CCDC60: variants seen among roughly 807,000 people sequenced by gnomAD.
CCDC60 encodes the protein coiled-coil domain containing 60.
CCDC60 carries 54 observed loss-of-function variants against 63.5 expected under a neutral mutation model. The observed-to-expected ratio is 0.85, with a 90% CI of 0.68 to 1.07. CCDC60 has a LOEUF of 1.07. Ranked by LOEUF, CCDC60 falls within the 50% of genes least tolerant of loss-of-function variation. The pLI is 0.00. For synonymous variants in CCDC60, 206 were observed against 238.8 expected, an observed-to-expected ratio of 0.86 and a Z score of 1.27; for missense variants, 651 against 684.3, an observed-to-expected ratio of 0.95 and a Z score of 0.54.
chr12:119,496,117 T>C (rs1436618320), intron 5 of CCDC60, among the ~76,000 whole-genome samples: 1 of 152,194 alleles, frequency 6.6e-6, no homozygotes, highest in Non-Finnish European at 1.5e-5. Flanking sequence ...TGGAACCACC[T>C]GGTCCAGGAA....
At chr12:119,443,540 A>G (rs557060023) in intron 2 of CCDC60, among the ~76,000 whole-genome samples, 1 of 152,316 alleles carries the variant, frequency 6.6e-6, no homozygotes, top group Admixed American at 6.5e-5. Context: ...CACTTTTCCA[A>G]CCCGCAACCT....
chr12:119,353,923 A>T (rs1955688919), intron 1 of CCDC60, among the ~76,000 whole-genome samples: 1 of 151,968 alleles, frequency 6.6e-6, no homozygotes, highest in African/African-American at 2.4e-5. Flanking sequence ...AAATACAAAA[A>T]ATTAGCTGGG....
Position 119,361,553 on chromosome 12 carries a change from T to A in CCDC60, c.90+26287T>A, listed in dbSNP as rs138609215. Among the ~76,000 whole-genome samples, 159 of 152,184 alleles carry A rather than the reference T, an allele frequency of 1.0e-3. 2 individuals carry two copies. In the East Asian group the frequency reaches 0.026, roughly 25 times the overall value. On this transcript the variant is annotated intron_variant, in intron 1 of 13. Coordinates refer to ENST00000327554, the MANE Select transcript of CCDC60 (RefSeq NM_178499.5). ...AAGCTTCTCTTTCTGTAAAGAAACA[T>A]CAAGGGTCGCAAAAGAATCACCCCT...
intron 5 of CCDC60, among the ~76,000 whole-genome samples, chr12:119,496,729 A>T (rs1025809893): frequency 6.6e-6 from 1 of 152,162 alleles, no homozygotes; most frequent in Non-Finnish European, 1.5e-5. Context: ...AGAGAGACTA[A>T]ATTACTTACA....
chr12:119,535,927 A>T (rs1256089396), intron 13 of CCDC60, among the ~76,000 whole-genome samples: 1 of 152,198 alleles, frequency 6.6e-6, no homozygotes, highest in African/African-American at 2.4e-5. Context: ...GATGTCTATT[A>T]GGTCTGCTTG....
chr12:119,481,453 A>G (rs1951317023), intron 4 of CCDC60, among the ~76,000 whole-genome samples: 1 of 152,094 alleles, frequency 6.6e-6, no homozygotes, highest in Non-Finnish European at 1.5e-5. Flanking sequence ...CCTGAGCCCA[A>G]TCCACAATTT....
intron 1 of CCDC60, among the ~76,000 whole-genome samples, chr12:119,342,040 A>G (rs188784381): frequency 1.9e-3 from 289 of 152,346 alleles, no homozygotes; most frequent in Admixed American, 3.4e-3. Context: ...AGAAAAACTG[A>G]AAAGCAGCGA....
At chr12:119,498,402 G>A (rs866932989) in intron 5 of CCDC60, among the ~76,000 whole-genome samples, 3 of 151,690 alleles carry the variant, frequency 2.0e-5, no homozygotes, top group African/African-American at 4.9e-5. Context: ...GTGCGATCTC[G>A]GCTCACTGCA....
chr12:119,482,349 T>A (rs1234304354), intron 4 of CCDC60, among the ~76,000 whole-genome samples: 1 of 151,988 alleles, frequency 6.6e-6, no homozygotes, highest in Non-Finnish European at 1.5e-5. Context: ...TTATTATTAT[T>A]ATCACAGTGG....
intron 1 of CCDC60, among the ~76,000 whole-genome samples, chr12:119,383,032 G>C (rs1593005789): frequency 6.6e-6 from 1 of 152,116 alleles, no homozygotes; most frequent in Admixed American, 6.5e-5. Flanking sequence ...ACCCTGGGTG[G>C]CCACTGCACT....
intron 1 of CCDC60, among the ~76,000 whole-genome samples, chr12:119,417,166 T>C (rs1460570185): frequency 6.6e-6 from 1 of 152,104 alleles, no homozygotes; most frequent in Non-Finnish European, 1.5e-5. Flanking sequence ...TCATCAAAGT[T>C]TAACTCAGTA....
At chr12:119,517,774 C>A (rs951089159) in intron 8 of CCDC60, among the ~76,000 whole-genome samples, 1 of 152,132 alleles carries the variant, frequency 6.6e-6, no homozygotes, top group African/African-American at 2.4e-5. Context: ...AGCCAGCAAC[C>A]GATATGATTA....
At chr12:119,373,414 T>C (rs1955917845) in intron 1 of CCDC60, among the ~76,000 whole-genome samples, 1 of 152,148 alleles carries the variant, frequency 6.6e-6, no homozygotes, top group Non-Finnish European at 1.5e-5. Context: ...CTCAGTTTCC[T>C]CATTTGCAAA....
intron 1 of CCDC60, among the ~76,000 whole-genome samples, chr12:119,423,198 G>A (rs750713600): frequency 1.2e-4 from 19 of 152,152 alleles, no homozygotes; most frequent in Admixed American, 3.9e-4. Flanking sequence ...GGGGCGAGGC[G>A]CATGACCACA....
At chr12:119,424,724 A>G (rs1956871917) in intron 1 of CCDC60, among the ~76,000 whole-genome samples, 1 of 152,198 alleles carries the variant, frequency 6.6e-6, no homozygotes, top group African/African-American at 2.4e-5. Context: ...CCTGAGAACT[A>G]GTTATTTCTG....
At position 119,410,255 on chromosome 12, in the gene CCDC60, C is replaced by T. The variant is rs892373615; in HGVS notation, c.91-18428C>T. 1.3e-5 allele frequency among the ~76,000 whole-genome samples: 2 copies of T among 151,478 alleles called. No homozygotes were observed. Among genetic ancestry groups the T allele is most frequent in the African/African-American group, 2.4e-5 (1 of 41,138 alleles). On this transcript the variant is annotated intron_variant, in intron 1 of 13. Transcript: ENST00000327554. This position sits in a 1 kb window ranked among gnomAD's most constrained non-coding sequence, Gnocchi z 4.0. ...ATCTCTCTGGAAGGATACACAAGAA[C>T]TTGATAACACTATTCATTTCCAGGG...
chr12:119,433,759 G>A (rs1013823321), intron 2 of CCDC60: 49 of 607,102 alleles, frequency 8.1e-5, no homozygotes, highest in Admixed American at 2.9e-4. Context: ...TAGCCCTCTT[G>A]TAATTCAATG....
chr12:119,359,691 C>T (rs1019376900), intron 1 of CCDC60, among the ~76,000 whole-genome samples: 8 of 151,954 alleles, frequency 5.3e-5, no homozygotes, highest in Admixed American at 2.0e-4. Context: ...CCTTCCGCAG[C>T]GTTTGTGTCC....
chr12:119,407,761 A>T (rs1436042745), intron 1 of CCDC60, among the ~76,000 whole-genome samples: 1 of 152,016 alleles, frequency 6.6e-6, no homozygotes, highest in Non-Finnish European at 1.5e-5. Flanking sequence ...TTAACCCATA[A>T]AATGGGCACT....
Sources: gnomAD v4.1 joint callset for allele counts (sites outside exome capture counted in the v4.1 genomes callset) on GRCh38, gnomAD v4.1.1 for gene constraint, Gnocchi (gnomAD v3.1) non-coding constraint, MANE v1.5 for transcripts, NCBI Gene and HGNC (gene_info 2026-07-23, HGNC 2026-07-21) for gene names.